The following RASSF9 variants were observed in gnomAD, a reference collection of about 807,000 sequenced individuals.
RASSF9 encodes the protein ras association domain-containing protein 9.
In RASSF9, 18 loss-of-function variants were observed where a neutral mutation model predicts 21.4. The observed-to-expected ratio is 0.84, with a 90% CI of 0.58 to 1.25. RASSF9 has a LOEUF of 1.25. Among genes scored for constraint, RASSF9 ranks in the 50% most tolerant of loss-of-function variants. The pLI is 0.00. For synonymous variants in RASSF9, 183 were observed against 179.1 expected (o/e 1.02, Z -0.18); for missense variants, 480 against 503.2 (o/e 0.95, Z 0.44).
intron 1 of RASSF9, among the ~76,000 whole-genome samples, chr12:85,809,496 G>C (rs1432641973): frequency 2.0e-5 from 3 of 151,906 alleles, no homozygotes; most frequent in Non-Finnish European, 4.4e-5. Flanking sequence ...GCTGACCTGG[G>C]TATCTCCCTT....
At chr12:85,814,190 C>T (rs750545942) in intron 1 of RASSF9, among the ~76,000 whole-genome samples, 1 of 151,986 alleles carries the variant, frequency 6.6e-6, no homozygotes, top group Non-Finnish European at 1.5e-5. Context: ...TCTTTGTTTC[C>T]TTCTTATTAC....
chr12:85,810,319 G>C (rs1592527927), intron 1 of RASSF9, among the ~76,000 whole-genome samples: 1 of 152,046 alleles, frequency 6.6e-6, no homozygotes, highest in Non-Finnish European at 1.5e-5. Flanking sequence ...TGATTTACAA[G>C]AAAATGTTTC....
chr12:85,829,928 C>G (rs547839688), intron 1 of RASSF9, among the ~76,000 whole-genome samples: 2 of 152,194 alleles, frequency 1.3e-5, no homozygotes, highest in South Asian at 4.1e-4. Context: ...AACTATTTTA[C>G]TATAATAATG....
rs116321725 is a variant in RASSF9 at position 85,819,562 on chromosome 12, T to G, written c.48-13600A>C. ...CCTATTTAATCCAAACCAATGAGGATGTACTAAAATTATGCCCATTTTATG... is the reference window on the plus strand; with the variant it reads ...CCTATTTAATCCAAACCAATGAGGAGGTACTAAAATTATGCCCATTTTATG... On this transcript the variant is annotated intron_variant, in intron 1 of 1. Coordinates refer to ENST00000361228, the MANE Select transcript of RASSF9 (RefSeq NM_005447.4). Among the ~76,000 whole-genome samples, 896 of 152,332 alleles carry G rather than the reference T, an allele frequency of 5.9e-3. 4 individuals carry two copies. Among genetic ancestry groups the G allele is most frequent in the African/African-American group, 0.021 (853 of 41,570 alleles).
intron 1 of RASSF9, among the ~76,000 whole-genome samples, chr12:85,826,946 C>T (rs544943978): frequency 6.6e-6 from 1 of 152,186 alleles, no homozygotes; most frequent in Non-Finnish European, 1.5e-5. Context: ...TACATTTCTT[C>T]CTCTTTCTCC....
intron 1 of RASSF9, among the ~76,000 whole-genome samples, chr12:85,829,892 A>G (rs1880412267): frequency 1.3e-5 from 2 of 152,132 alleles, no homozygotes; most frequent in Admixed American, 6.6e-5. Context: ...TCCATGGAAG[A>G]GTGATTTTAA....
intron 1 of RASSF9, among the ~76,000 whole-genome samples, chr12:85,818,956 CAAAAAAAAA>C (rs60760019): frequency 1.3e-3 from 89 of 66,608 alleles, no homozygotes; most frequent in African/African-American, 5.3e-3. Flanking sequence ...GAGACTCCGT[CAAAAAAAAA>C]AAAAAAAAAA....
intron 1 of RASSF9, among the ~76,000 whole-genome samples, chr12:85,817,941 C>G (rs957800861): frequency 6.6e-6 from 1 of 152,132 alleles, no homozygotes; most frequent in Admixed American, 6.5e-5. Flanking sequence ...AAGTTGTCCT[C>G]AATACCTTCA....
chr12:85,809,126 A>T (rs903849469), intron 1 of RASSF9, among the ~76,000 whole-genome samples: 1 of 152,176 alleles, frequency 6.6e-6, no homozygotes, highest in Non-Finnish European at 1.5e-5. Flanking sequence ...AGGTGTTGGT[A>T]GCTTGCCTCA....
At chr12:85,806,019 A>G (rs1485129362) in intron 1 of RASSF9, 57 bp from the exon 2 acceptor site, 15 of 1,515,172 alleles carry the variant, frequency 9.9e-6, no homozygotes, top group Non-Finnish European at 4.4e-6. Flanking sequence ...AAACTCAGAA[A>G]GATGGTTTAA....
chr12:85,828,767 C>T (rs186756000), intron 1 of RASSF9, among the ~76,000 whole-genome samples: 5 of 152,142 alleles, frequency 3.3e-5, no homozygotes, highest in Non-Finnish European at 7.4e-5. Context: ...TGGTCTACCT[C>T]TGTAATGTGC....
intron 1 of RASSF9, among the ~76,000 whole-genome samples, chr12:85,826,694 C>A (rs534322279): frequency 6.6e-6 from 1 of 151,138 alleles, no homozygotes; most frequent in Non-Finnish European, 1.5e-5. Context: ...CTGCCTGCCT[C>A]GGCCTCCCAA....
chr12:85,823,302 A>G (rs1327683876), intron 1 of RASSF9, among the ~76,000 whole-genome samples: 1 of 151,796 alleles, frequency 6.6e-6, no homozygotes. Flanking sequence ...CCCAATAGCC[A>G]CTTGCAGAAC....
At chr12:85,835,352 A>G (rs1343848195) in intron 1 of RASSF9, among the ~76,000 whole-genome samples, 2 of 152,176 alleles carry the variant, frequency 1.3e-5, no homozygotes, top group African/African-American at 2.4e-5. Flanking sequence ...GTAACATTTG[A>G]TGTGTAAATA....
chr12:85,806,100 G>A (rs1879826023), intron 1 of RASSF9, 138 bp from the exon 2 acceptor site: 3 of 890,074 alleles, frequency 3.4e-6, no homozygotes, highest in South Asian at 2.0e-5. Flanking sequence ...AGGCTGGAGT[G>A]CAGTGGTGCG....
At position 85,829,439 on chromosome 12, in the gene RASSF9, A is replaced by C. The variant is rs982032412; in HGVS notation, c.47+6716T>G. On this transcript the variant is annotated intron_variant, in intron 1 of 1. Transcript: ENST00000361228. ...ACCGACAATGTTATATAAATACACAAAATTATTTTAAATACTTCCATTGTA... is the reference window on the plus strand; with the variant it reads ...ACCGACAATGTTATATAAATACACACAATTATTTTAAATACTTCCATTGTA... 2.6e-5 allele frequency among the ~76,000 whole-genome samples: 4 copies of C among 152,192 alleles called. No homozygotes were observed. The South Asian group carries it at 8.3e-4, about 32-fold the overall frequency.
At chr12:85,826,534 G>A (rs973867567) in intron 1 of RASSF9, among the ~76,000 whole-genome samples, 5 of 143,808 alleles carry the variant, frequency 3.5e-5, no homozygotes, top group Non-Finnish European at 4.5e-5. Flanking sequence ...TGCAAGCTCC[G>A]CCTCCCGGGT....
intron 1 of RASSF9, among the ~76,000 whole-genome samples, chr12:85,833,938 T>C (rs1400420232): frequency 1.3e-5 from 2 of 152,060 alleles, no homozygotes; most frequent in African/African-American, 4.8e-5. Flanking sequence ...TTCTGTGCTT[T>C]AGAATGTGGT....
At chr12:85,819,997 C>T (rs765745377) in intron 1 of RASSF9, among the ~76,000 whole-genome samples, 2 of 152,090 alleles carry the variant, frequency 1.3e-5, no homozygotes, top group Non-Finnish European at 2.9e-5. Context: ...GGTGATAAGT[C>T]AATGTTTTGA....
Sources: gnomAD v4.1 joint callset for allele counts (sites outside exome capture counted in the v4.1 genomes callset) on GRCh38, gnomAD v4.1.1 for gene constraint, MANE v1.5 for transcripts, NCBI Gene and HGNC (gene_info 2026-07-23, HGNC 2026-07-21) for gene names.